RNF17: variants seen among roughly 807,000 people sequenced by gnomAD.
RNF17 encodes spermatogenesis associated 23.
In RNF17, 31 loss-of-function variants were observed where a neutral mutation model predicts 200.5. The ratio of observed to expected loss-of-function variants is 0.15; its 90% CI spans 0.12 to 0.21. The LOEUF (loss-of-function observed/expected upper bound fraction) is 0.21, where lower values mean the gene tolerates loss of function less well. Ranked by LOEUF, RNF17 falls within the 10% of genes least tolerant of loss-of-function variation. RNF17 has a pLI of 1.00. For missense variants in RNF17, 1,628 were observed against 1,905.1 expected, an observed-to-expected ratio of 0.85 and a Z score of 2.71; for synonymous variants, 606 against 637.8, an observed-to-expected ratio of 0.95 and a Z score of 0.75.
intron 2 of RNF17, among the ~76,000 whole-genome samples, chr13:24,770,956 AGT>A: frequency 6.6e-6 from 1 of 152,208 alleles, no homozygotes; most frequent in East Asian, 1.9e-4. Context: ...TATTTGTTTT[AGT>A]GTTTTGGCAA....
chr13:24,831,729 TTTGA>T (rs1050692317), intron 17 of RNF17, 125 bp from the exon 18 acceptor site: 4 of 799,386 alleles, frequency 5.0e-6, no homozygotes, highest in South Asian at 1.7e-5. Flanking sequence ...TCACACATTA[TTTGA>T]TTATTTCTAA....
At chr13:24,883,397 C>CTT (rs1953921297), downstream of RNF17, 1 of 1,491,442 alleles carries the variant, frequency 6.7e-7, no homozygotes. Context: ...AATATGATTT[C>CTT]TTAAAAAAAA....
chr13:24,781,418 G>A (rs997929431), intron 5 of RNF17, among the ~76,000 whole-genome samples: 1 of 152,020 alleles, frequency 6.6e-6, no homozygotes, highest in Non-Finnish European at 1.5e-5. Context: ...GATCACTTGA[G>A]GCTAGGAGTT....
At chr13:24,759,810 AT>A (rs1878541666), upstream of RNF17, among the ~76,000 whole-genome samples, 1 of 152,208 alleles carries the variant, frequency 6.6e-6, no homozygotes, top group Non-Finnish European at 1.5e-5. Context: ...CTGTAAAGTC[AT>A]TGTGTCTCAG....
intron 13 of RNF17, among the ~76,000 whole-genome samples, 169 bp downstream of exon 13, chr13:24,800,703 C>CA (rs1297248923): frequency 6.6e-6 from 1 of 152,134 alleles, no homozygotes; most frequent in Non-Finnish European, 1.5e-5. Flanking sequence ...TCGGCTTCCA[C>CA]AATTGAAAAC....
chr13:24,754,385 C>T, the RNF17 span, among the ~76,000 whole-genome samples: 1 of 152,224 alleles, frequency 6.6e-6, no homozygotes, highest in Admixed American at 6.5e-5. Flanking sequence ...CATCAGAACA[C>T]CTTTAGAAAG....
At position 24,802,480 on chromosome 13, in the gene RNF17, A is replaced by T; in HGVS notation, c.1858A>T (p.Ile620Phe). 6.2e-7 allele frequency: 1 copy of T among 1,613,922 alleles called. No homozygotes were observed. The highest frequency in any genetic ancestry group is 1.3e-5 in the African/African-American group (1 of 75,064). ...KVFREEDGVLIVDLQKPPPNK... is the reference protein window; with the variant it reads ...KVFREEDGVLFVDLQKPPPNK... ...TTTTAGAGAAGAAGATGGTGTGCTT[A>T]TTGTAGATCTGCAAAAACCACCACC... Residue 620 changes from isoleucine (I) to phenylalanine (F), a missense_variant, in exon 14 of 36, where the codon ATT becomes TTT. This residue lies in a region of RNF17 where 289 missense variants were observed against 384.9 expected (regional missense o/e 0.75). Transcript: ENST00000255324.
In RNF17 at chr13:24,789,819, C is replaced by A. The variant is rs779966174; in HGVS notation, c.935+47C>A. The A allele has an allele frequency of 7.9e-6, 8 of 1,017,918 alleles. 1 individual carries two copies. The South Asian group carries it at 7.9e-5, about 10-fold the overall frequency. The allele number at this position is 1,017,918 out of a possible 1,614,324, so 63.1% of individuals were successfully genotyped here. On this transcript the variant is annotated intron_variant, in intron 9 of 35. Coordinates refer to ENST00000255324, the MANE Select transcript of RNF17 (RefSeq NM_031277.3). Reference sequence around the variant, plus strand: ...AACATGCCATTAGTGTCTGACAGTACTTACATTATCTAAGAGACAGAAGAA... The same window carrying A: ...AACATGCCATTAGTGTCTGACAGTAATTACATTATCTAAGAGACAGAAGAA...
chr13:24,866,142 A>T lies in RNF17; in HGVS notation c.4102-2A>T, dbSNP rs142680844. 26 of 1,490,296 alleles carry T rather than the reference A, an allele frequency of 1.7e-5. No individual in the cohort carries two copies. Among genetic ancestry groups the T allele is most frequent in the Non-Finnish European group, 2.3e-5 (25 of 1,071,806 alleles). The allele number at this position is 1,490,296 out of a possible 1,614,324, so 92.3% of individuals were successfully genotyped here. Reference sequence around the variant, plus strand: ...ATTTTACTCAATACCATATTATTTCAGAAACCAAGATCAGATCATGATAAA... The same window carrying T: ...ATTTTACTCAATACCATATTATTTCTGAAACCAAGATCAGATCATGATAAA... On this transcript the variant is annotated splice_acceptor_variant, in intron 29 of 35. Coordinates refer to ENST00000255324, the MANE Select transcript of RNF17 (RefSeq NM_031277.3). LOFTEE classifies it high-confidence loss of function.
intron 31 of RNF17, among the ~76,000 whole-genome samples, chr13:24,868,965 T>A (rs1312691031): frequency 6.6e-6 from 1 of 152,234 alleles, no homozygotes; most frequent in Non-Finnish European, 1.5e-5. Flanking sequence ...ACATCTGATA[T>A]TTAGATTTTT....
the RNF17 span, among the ~76,000 whole-genome samples, chr13:24,753,078 TG>T: frequency 6.6e-6 from 1 of 151,942 alleles, no homozygotes; most frequent in Non-Finnish European, 1.5e-5. Flanking sequence ...GTGTCAGGGA[TG>T]GGGGATGTGG....
chr13:24,858,753 C>G (rs986356493), intron 25 of RNF17, among the ~76,000 whole-genome samples: 1 of 151,894 alleles, frequency 6.6e-6, no homozygotes, highest in Non-Finnish European at 1.5e-5. Flanking sequence ...ATTGGTAGTA[C>G]TTTCATATTA....
intron 18 of RNF17, among the ~76,000 whole-genome samples, chr13:24,837,340 G>C (rs1186460247): frequency 6.6e-6 from 1 of 151,946 alleles, no homozygotes; most frequent in Non-Finnish European, 1.5e-5. Context: ...CAAAGAAACT[G>C]GATTTAAACT....
chr13:24,751,750 T>C, the RNF17 span: 1 of 152,200 alleles, frequency 6.6e-6, no homozygotes, highest in African/African-American at 2.4e-5. Flanking sequence ...TCTTTGATGC[T>C]TCTGGATTGT....
chr13:24,831,628 A>T (rs549563500), intron 17 of RNF17, among the ~76,000 whole-genome samples: 1 of 151,994 alleles, frequency 6.6e-6, no homozygotes, highest in Non-Finnish European at 1.5e-5. Flanking sequence ...AATGCTTGTT[A>T]TTCCAGTATG....
intron 28 of RNF17, 101 bp downstream of exon 28, chr13:24,862,894 C>T (rs1183811747): frequency 2.3e-5 from 14 of 609,570 alleles, no homozygotes; most frequent in African/African-American, 2.3e-4. Context: ...TGGTATATAC[C>T]TTCTTATGTG....
At chr13:24,865,917 T>C (rs952262195) in intron 29 of RNF17, among the ~76,000 whole-genome samples, 6 of 152,196 alleles carry the variant, frequency 3.9e-5, no homozygotes, top group East Asian at 1.9e-4. Context: ...CCCACTCTTA[T>C]AATAAATGAA....
intron 15 of RNF17, among the ~76,000 whole-genome samples, chr13:24,815,058 T>C (rs551156293): frequency 6.6e-6 from 1 of 152,308 alleles, no homozygotes; most frequent in African/African-American, 2.4e-5. Context: ...ATGTATAAGA[T>C]CATGTCATCT....
chr13:24,870,086 C>T (rs1007198779), intron 31 of RNF17, among the ~76,000 whole-genome samples: 3 of 151,890 alleles, frequency 2.0e-5, no homozygotes, highest in Non-Finnish European at 2.9e-5. Flanking sequence ...GGACTACAGG[C>T]GGCTGCCACC....
Sources: allele counts gnomAD v4.1 joint callset (sites outside exome capture counted in the v4.1 genomes callset), GRCh38; gene constraint gnomAD v4.1.1; regional missense constraint gnomAD v4.1.1; transcripts MANE v1.5; gene names NCBI Gene and HGNC (gene_info 2026-07-23, HGNC 2026-07-21).